The following CEP128 variants were observed in gnomAD, a reference collection of about 807,000 sequenced individuals.
The protein encoded by CEP128 is centrosomal protein 128kDa.
In CEP128, 132 loss-of-function variants were observed where a neutral mutation model predicts 156.7. The ratio of observed to expected loss-of-function variants is 0.84; its 90% CI spans 0.73 to 0.97. The LOEUF (loss-of-function observed/expected upper bound fraction) is 0.97, where lower values mean the gene tolerates loss of function less well. CEP128 is among the 50% of genes least tolerant of loss of function. The pLI is 0.00. For synonymous variants in CEP128, 469 were observed against 448.9 expected (o/e 1.04, Z -0.57); for missense variants, 1,252 against 1,281.9 (o/e 0.98, Z 0.36).
chr14:80,923,691 G>A (rs898831702), intron 2 of CEP128, among the ~76,000 whole-genome samples: 4 of 152,178 alleles, frequency 2.6e-5, no homozygotes, highest in Admixed American at 6.5e-5. Context: ...ACTTAGGGGG[G>A]TAAGGGAAAA....
intron 13 of CEP128, among the ~76,000 whole-genome samples, chr14:80,817,155 T>C (rs1308839374): frequency 6.6e-6 from 1 of 152,014 alleles, no homozygotes; most frequent in Non-Finnish European, 1.5e-5. Flanking sequence ...AGAAGTGACA[T>C]CAGTGGCTAC....
At chr14:80,837,995 G>T (rs1286906262) in intron 11 of CEP128, among the ~76,000 whole-genome samples, 1 of 152,210 alleles carries the variant, frequency 6.6e-6, no homozygotes, top group African/African-American at 2.4e-5. Context: ...CACCATCACA[G>T]TGGGGACTCT....
At chr14:80,671,032 A>G (rs1895819270) in intron 19 of CEP128, among the ~76,000 whole-genome samples, 1 of 152,164 alleles carries the variant, frequency 6.6e-6, no homozygotes, top group African/African-American at 2.4e-5. Flanking sequence ...CTGCTAAACC[A>G]GAGAATCCTT....
At chr14:80,580,552 G>A (rs759155689) in intron 19 of CEP128, 129 bp from the exon 20 acceptor site, 15 of 594,514 alleles carry the variant, frequency 2.5e-5, no homozygotes, top group Admixed American at 5.3e-5. Context: ...GTTTAAGTGT[G>A]AGAAGCCATG....
intron 13 of CEP128, among the ~76,000 whole-genome samples, chr14:80,796,890 C>T (rs1369496225): frequency 6.6e-6 from 1 of 152,120 alleles, no homozygotes. Flanking sequence ...AGGACCAACT[C>T]CTAACAAAAA....
At chr14:80,719,559 ATCACATC>A (rs1897736675) in intron 19 of CEP128, among the ~76,000 whole-genome samples, 1 of 152,170 alleles carries the variant, frequency 6.6e-6, no homozygotes, top group Admixed American at 6.5e-5. Flanking sequence ...CCCAGACTAG[ATCACATC>A]TCTTAAACAA....
At chr14:80,579,088 C>T (rs1891479593) in intron 20 of CEP128, among the ~76,000 whole-genome samples, 2 of 152,280 alleles carry the variant, frequency 1.3e-5, no homozygotes, top group South Asian at 4.1e-4. Context: ...GAAAAAACTA[C>T]TTGTGCTGCC....
At chr14:80,777,057 C>T (rs1900832781) in intron 16 of CEP128, among the ~76,000 whole-genome samples, 1 of 152,134 alleles carries the variant, frequency 6.6e-6, no homozygotes, top group African/African-American at 2.4e-5. Flanking sequence ...AGTTACAGTG[C>T]CTACCTACCA....
intron 4 of CEP128, among the ~76,000 whole-genome samples, chr14:80,908,035 AGCAGAGTCAGCTATCAT>A (rs1883990163): frequency 6.6e-6 from 1 of 152,150 alleles, no homozygotes; most frequent in Non-Finnish European, 1.5e-5. Flanking sequence ...TCCTTTTGAA[AGCAGAGTCAGCTATCAT>A]TTCTTACTAC....
chr14:80,893,356 T>A (rs1193759954), intron 8 of CEP128, among the ~76,000 whole-genome samples: 1 of 151,792 alleles, frequency 6.6e-6, no homozygotes, highest in Non-Finnish European at 1.5e-5. Flanking sequence ...AATGGGAAGA[T>A]GCAGGTCAGA....
Position 80,516,909 on chromosome 14 carries a change from C to G in CEP128, c.3072+9960G>C, listed in dbSNP as rs1158819658. On this transcript the variant is annotated intron_variant, in intron 23 of 24. Transcript: ENST00000555265. The stretch of plus-strand genomic sequence containing the variant: ...CTTGATATGATGTTAGAACCAGGTA[C>G]TGTGATTGCTCGCCTTAAGTTTGAT... Among the ~76,000 whole-genome samples, 4 of 152,248 alleles carry G rather than the reference C, an allele frequency of 2.6e-5. No individual in the cohort carries two copies. In the East Asian group the frequency reaches 7.7e-4, roughly 29 times the overall value.
chr14:80,959,177 G>A (rs941456431), intron 1 of CEP128, among the ~76,000 whole-genome samples: 6 of 152,020 alleles, frequency 3.9e-5, no homozygotes, highest in African/African-American at 1.4e-4. Context: ...CCTCCAGAAG[G>A]GTATGATGCT....
At chr14:80,589,708 A>G (rs1435159885) in intron 19 of CEP128, among the ~76,000 whole-genome samples, 1 of 152,118 alleles carries the variant, frequency 6.6e-6, no homozygotes, top group Non-Finnish European at 1.5e-5. Flanking sequence ...CATCCCTATA[A>G]AAGGCATGTG....
At chr14:80,939,717 T>G (rs1025324313) in intron 1 of CEP128, among the ~76,000 whole-genome samples, 177 bp from the exon 2 acceptor site, 3 of 152,222 alleles carry the variant, frequency 2.0e-5, no homozygotes, top group Admixed American at 6.5e-5. Context: ...CACATCCAAG[T>G]GCCCAGCCCA....
intron 19 of CEP128, among the ~76,000 whole-genome samples, chr14:80,632,596 T>C (rs1894007511): frequency 6.6e-6 from 1 of 150,486 alleles, no homozygotes; most frequent in African/African-American, 2.4e-5. Flanking sequence ...ACATGCTATA[T>C]ATATTATAGT....
At chr14:80,904,308 A>C (rs1883755494) in intron 6 of CEP128, among the ~76,000 whole-genome samples, 1 of 152,050 alleles carries the variant, frequency 6.6e-6, no homozygotes, top group African/African-American at 2.4e-5. Flanking sequence ...AGAAAGATAG[A>C]GTAGAATAAT....
chr14:80,700,643 C>T (rs2139359240), intron 19 of CEP128, among the ~76,000 whole-genome samples: 1 of 152,248 alleles, frequency 6.6e-6, no homozygotes, highest in East Asian at 1.9e-4. Flanking sequence ...ATTCCAACTA[C>T]CTATCTGAAT....
intron 19 of CEP128, among the ~76,000 whole-genome samples, chr14:80,699,255 G>A (rs987662049): frequency 9.9e-5 from 15 of 152,128 alleles, no homozygotes; most frequent in Non-Finnish European, 1.9e-4. Flanking sequence ...TGCAGAGCAT[G>A]AAGTAGTGGG....
At chr14:80,596,847 G>GA (rs1269342834) in intron 19 of CEP128, among the ~76,000 whole-genome samples, 9 of 111,982 alleles carry the variant, frequency 8.0e-5, no homozygotes, top group South Asian at 2.8e-4. Flanking sequence ...AAAAAAGGTG[G>GA]GGGGGGGAGG....
Sources: gnomAD v4.1 joint callset for allele counts (sites outside exome capture counted in the v4.1 genomes callset) on GRCh38, gnomAD v4.1.1 for gene constraint, MANE v1.5 for transcripts, NCBI Gene and HGNC (gene_info 2026-07-23, HGNC 2026-07-21) for gene names.